The following ADAMTSL1 variants were observed in gnomAD, a reference collection of about 807,000 sequenced individuals.
ADAMTSL1 encodes ADAMTS like 1.
ADAMTSL1 carries 126 observed loss-of-function variants against 201.8 expected under a neutral mutation model. That is an observed-to-expected ratio of 0.62 (90% CI 0.54 to 0.72). The LOEUF (loss-of-function observed/expected upper bound fraction) is 0.72, where lower values mean the gene tolerates loss of function less well. Ranked by LOEUF, ADAMTSL1 falls within the 30% of genes least tolerant of loss-of-function variation. The pLI is 0.00. For synonymous variants in ADAMTSL1, 1,121 were observed against 903.4 expected (o/e 1.24, Z -4.32); for missense variants, 2,679 against 2,277.8 (o/e 1.18, Z -3.59).
At chr9:18,499,058 C>T (rs547847180) in intron 1 of ADAMTSL1, among the ~76,000 whole-genome samples, 1 of 152,222 alleles carries the variant, frequency 6.6e-6, no homozygotes, top group Non-Finnish European at 1.5e-5. Context: ...GCCTGTATAG[C>T]TTTTACACCC....
At chr9:17,948,602 T>G (rs884097) in intron 1 of ADAMTSL1, among the ~76,000 whole-genome samples, 34,314 of 152,090 alleles carry the variant, frequency 0.23, 4,045 homozygotes, top group Middle Eastern at 0.36. Context: ...GAATACTAGT[T>G]TCTAGATTTA....
chr9:18,857,465 T>C (rs994352523), intron 23 of ADAMTSL1, among the ~76,000 whole-genome samples: 1 of 152,218 alleles, frequency 6.6e-6, no homozygotes, highest in African/African-American at 2.4e-5. Flanking sequence ...AGATTGGATG[T>C]GCCTGATGTT....
At chr9:18,146,385 A>G (rs550459763) in intron 1 of ADAMTSL1, among the ~76,000 whole-genome samples, 5 of 152,320 alleles carry the variant, frequency 3.3e-5, no homozygotes, top group African/African-American at 7.2e-5. Flanking sequence ...CTATTCAGCA[A>G]TAAAGAGGTA....
At chr9:18,502,485 T>C (rs973855344) in intron 1 of ADAMTSL1, among the ~76,000 whole-genome samples, 2 of 152,218 alleles carry the variant, frequency 1.3e-5, no homozygotes. Context: ...AAATGGGCTA[T>C]GGAGAAGAAA....
intron 1 of ADAMTSL1, among the ~76,000 whole-genome samples, chr9:17,972,155 A>T (rs4997912): frequency 0.81 from 122,001 of 150,586 alleles, 49,779 homozygotes; most frequent in East Asian, 0.92. Context: ...TCTTTTTTTT[A>T]AATTTTTTTA....
At chr9:18,372,748 G>C (rs548791689) in intron 2 of ADAMTSL1, among the ~76,000 whole-genome samples, 1 of 152,178 alleles carries the variant, frequency 6.6e-6, no homozygotes, top group Non-Finnish European at 1.5e-5. Flanking sequence ...CAGTAATGAA[G>C]GCTTTGGTTA....
chr9:18,425,301 A>ATAGT (rs1819158846), intron 2 of ADAMTSL1, among the ~76,000 whole-genome samples: 1 of 152,168 alleles, frequency 6.6e-6, no homozygotes, highest in Non-Finnish European at 1.5e-5. Context: ...GTGAGTTTTC[A>ATAGT]TAGTTGAGTA....
In ADAMTSL1 at chr9:18,254,345, G is replaced by GTTTT. The variant is rs59026505; in HGVS notation, c.207+90396_207+90399dup. 9.7e-3 allele frequency among the ~76,000 whole-genome samples: 478 copies of GTTTT among 49,388 alleles called. 79 individuals carry two copies. Among genetic ancestry groups the GTTTT allele is most frequent in the Middle Eastern group, 0.024 (1 of 42 alleles). The allele number at this position is 49,388 out of a possible 152,430, so 32.4% of individuals were successfully genotyped here. On this transcript the variant is annotated intron_variant, in intron 2 of 29. Transcript: ENST00000680146. Reference sequence around the variant, plus strand: ...GGAACTACCGTCAATACTCTTTTTGGTTTTTTTTTTTTTTTTTTTTTTTTT... The same window carrying GTTTT: ...GGAACTACCGTCAATACTCTTTTTGGTTTTTTTTTTTTTTTTTTTTTTTTTTTTT...
At chr9:18,577,453 T>A (rs977925465) in intron 4 of ADAMTSL1, among the ~76,000 whole-genome samples, 5 of 152,134 alleles carry the variant, frequency 3.3e-5, no homozygotes, top group Admixed American at 3.3e-4. Flanking sequence ...ACCACTGTAC[T>A]CCAGCCTGGG....
At chr9:18,886,616 C>T (rs905950333) in intron 23 of ADAMTSL1, among the ~76,000 whole-genome samples, 2 of 152,180 alleles carry the variant, frequency 1.3e-5, no homozygotes, top group African/African-American at 4.8e-5. Flanking sequence ...TTGCTGTCTG[C>T]TTCATAGATG....
chr9:18,349,034 G>C (rs139048744), intron 2 of ADAMTSL1, among the ~76,000 whole-genome samples: 5 of 152,066 alleles, frequency 3.3e-5, no homozygotes, highest in African/African-American at 1.2e-4. Context: ...TTAAACACAG[G>C]CAATTTAAAT....
intron 2 of ADAMTSL1, among the ~76,000 whole-genome samples, chr9:18,302,589 A>G (rs1002967141): frequency 6.6e-6 from 1 of 152,228 alleles, no homozygotes; most frequent in African/African-American, 2.4e-5. Flanking sequence ...GTATAGAGTG[A>G]GTACTCTATA....
chr9:18,367,478 G>T (rs1383718765), intron 2 of ADAMTSL1, among the ~76,000 whole-genome samples: 1 of 151,816 alleles, frequency 6.6e-6, no homozygotes, highest in African/African-American at 2.4e-5. Flanking sequence ...CCATTTGCTA[G>T]CTGTGAAACT....
chr9:18,272,096 A>G (rs13298200), intron 2 of ADAMTSL1, among the ~76,000 whole-genome samples: 10,913 of 150,284 alleles, frequency 0.073, 457 homozygotes, highest in African/African-American at 0.1. Flanking sequence ...AGATGAGTAG[A>G]TTGCAAAACT....
At chr9:18,549,184 G>T (rs551426969) in intron 3 of ADAMTSL1, among the ~76,000 whole-genome samples, 1 of 151,970 alleles carries the variant, frequency 6.6e-6, no homozygotes, top group African/African-American at 2.4e-5. Context: ...ACATCAGAAG[G>T]AGATTCCAAC....
intron 1 of ADAMTSL1, among the ~76,000 whole-genome samples, chr9:18,030,753 G>GT (rs1344238890): frequency 6.6e-6 from 1 of 152,042 alleles, no homozygotes; most frequent in Admixed American, 6.5e-5. Context: ...ACTCAAATAT[G>GT]TTTTCCAAGT....
At chr9:18,756,118 T>TATATATAC (rs1819745985) in intron 16 of ADAMTSL1, among the ~76,000 whole-genome samples, 2 of 74,816 alleles carry the variant, frequency 2.7e-5, no homozygotes, top group African/African-American at 8.8e-5. Context: ...TATATATATA[T>TATATATAC]ATATACAAAA....
At chr9:18,391,579 A>G (rs1184462344) in intron 2 of ADAMTSL1, among the ~76,000 whole-genome samples, 1 of 152,216 alleles carries the variant, frequency 6.6e-6, no homozygotes, top group Middle Eastern at 3.4e-3. Context: ...CAGTAACTGA[A>G]ATATGGGATT....
chr9:18,573,441 G>C (rs1170718175), intron 3 of ADAMTSL1: 1 of 155,976 alleles, frequency 6.4e-6, no homozygotes, highest in Non-Finnish European at 1.4e-5. Context: ...CTGCCATGCT[G>C]CCTTAAGCCA....
Sources: gnomAD v4.1 joint callset for allele counts (sites outside exome capture counted in the v4.1 genomes callset) on GRCh38, gnomAD v4.1.1 for gene constraint, MANE v1.5 for transcripts, NCBI Gene and HGNC (gene_info 2026-07-23, HGNC 2026-07-21) for gene names.